Variants in TEX9 observed in about 807,000 individuals in gnomAD.
TEX9 encodes the protein testis-expressed protein 9.
In TEX9, 74 loss-of-function variants were observed where a neutral mutation model predicts 59.6. The observed-to-expected ratio is 1.24, with a 90% CI of 1.03 to 1.51. The LOEUF is 1.51. Ranked by LOEUF, TEX9 falls within the 40% of genes most tolerant of loss-of-function variation. TEX9 has a pLI of 0.00. For synonymous variants in TEX9, 186 were observed against 152.2 expected (o/e 1.22, Z -1.64); for missense variants, 522 against 447.8 (o/e 1.17, Z -1.49).
At chr15:56,427,609 T>C (rs546092222) in exon 11 of TEX9, 38 of 1,525,934 alleles carry the variant, frequency 2.5e-5, no homozygotes, top group Non-Finnish European at 2.8e-5. Context: ...GTGTAGGACA[T>C]AGCAAATGAA....
chr15:56,306,257 C>CAAAAAAAAAAAAAAAAAAAAAAAAAAAAA (rs55882329), intron 1 of TEX9, among the ~76,000 whole-genome samples: 1 of 79,450 alleles, frequency 1.3e-5, no homozygotes. Context: ...AGGTACATAG[C>CAAAAAAAAAAAAAAAAAAAAAAAAAAAAA]AAAAAAAAAA....
At chr15:56,320,215 T>C (rs774943108) in intron 1 of TEX9, among the ~76,000 whole-genome samples, 1 of 152,144 alleles carries the variant, frequency 6.6e-6, no homozygotes, top group African/African-American at 2.4e-5. Context: ...GTAATCAGAG[T>C]GTATTCTCTG....
chr15:56,439,691 C>G (rs950648421), intron 12 of TEX9, among the ~76,000 whole-genome samples: 6 of 150,530 alleles, frequency 4.0e-5, no homozygotes, highest in African/African-American at 1.5e-4. Flanking sequence ...TAAGTCTCAT[C>G]GTTTGTACCA....
chr15:56,373,590 A>ACATGCTTTGG, intron 3 of TEX9, 86 bp downstream of exon 3: 1 of 1,111,902 alleles, frequency 9.0e-7, no homozygotes, highest in Non-Finnish European at 1.2e-6. Flanking sequence ...TATACAAAAC[A>ACATGCTTTGG]CTAGCCAAAG....
At chr15:56,401,308 C>CAAAAAAAAAAAAAAAAA (rs1207055803) in intron 9 of TEX9, among the ~76,000 whole-genome samples, 18 of 46,778 alleles carry the variant, frequency 3.8e-4, no homozygotes, top group East Asian at 2.2e-3. Context: ...AAATTGAAAG[C>CAAAAAAAAAAAAAAAAA]AAAAAAAAAA....
chr15:56,347,318 G>A (rs2682028), intron 1 of TEX9, among the ~76,000 whole-genome samples: 6 of 152,074 alleles, frequency 3.9e-5, no homozygotes, highest in Non-Finnish European at 7.4e-5. Flanking sequence ...AGTCTACTCA[G>A]TTTCAAAACT....
chr15:56,251,160 T>C (rs1473613992), intron 1 of TEX9, among the ~76,000 whole-genome samples: 1 of 152,278 alleles, frequency 6.6e-6, no homozygotes, highest in African/African-American at 2.4e-5. Flanking sequence ...TGAATTTCTA[T>C]TTTTCTTCAT....
At chr15:56,365,051 G>T (rs1016468393), upstream of TEX9, among the ~76,000 whole-genome samples, 10 of 152,170 alleles carry the variant, frequency 6.6e-5, no homozygotes, top group Non-Finnish European at 1.5e-5. Context: ...CAAAACTTCT[G>T]AATTCCACTG....
intron 4 of TEX9, 90 bp downstream of exon 4, chr15:56,384,121 A>C: frequency 9.7e-7 from 1 of 1,030,298 alleles, no homozygotes; most frequent in Non-Finnish European, 1.4e-6. Context: ...ACATTGAAAA[A>C]TCTATAATTT....
intron 1 of TEX9, among the ~76,000 whole-genome samples, chr15:56,318,970 C>T (rs767018231): frequency 6.6e-5 from 10 of 152,014 alleles, no homozygotes; most frequent in Non-Finnish European, 1.5e-4. Flanking sequence ...ACATAACATG[C>T]CCACATCCAT....
chr15:56,285,364 A>G (rs1472933644), intron 1 of TEX9, among the ~76,000 whole-genome samples: 1 of 152,204 alleles, frequency 6.6e-6, no homozygotes, highest in Non-Finnish European at 1.5e-5. Context: ...TAATCTCTAC[A>G]TCTCAAGATC....
intron 9 of TEX9, among the ~76,000 whole-genome samples, chr15:56,407,152 T>C (rs2049120552): frequency 6.6e-6 from 1 of 152,164 alleles, no homozygotes; most frequent in South Asian, 2.1e-4. Flanking sequence ...GTTCATTTTG[T>C]GTGTGACAAG....
At chr15:56,417,083 T>C (rs1233978036) in intron 10 of TEX9, among the ~76,000 whole-genome samples, 3 of 151,650 alleles carry the variant, frequency 2.0e-5, no homozygotes, top group Non-Finnish European at 4.4e-5. Flanking sequence ...TGTGTTTATT[T>C]GAATCTTCAC....
intron 10 of TEX9, among the ~76,000 whole-genome samples, chr15:56,423,186 ATCT>A (rs1405813108): frequency 6.6e-6 from 1 of 152,132 alleles, no homozygotes; most frequent in East Asian, 1.9e-4. Flanking sequence ...TTGATTTGAA[ATCT>A]TCTTTCCTAA....
At chr15:56,416,227 C>G (rs1434021021) in intron 10 of TEX9, among the ~76,000 whole-genome samples, 1 of 151,718 alleles carries the variant, frequency 6.6e-6, no homozygotes, top group Non-Finnish European at 1.5e-5. Context: ...TTGCCTGATT[C>G]CTCTGGTTAG....
At chr15:56,428,148 A>G (rs1025758034) in intron 11 of TEX9, among the ~76,000 whole-genome samples, 7 of 152,084 alleles carry the variant, frequency 4.6e-5, no homozygotes, top group African/African-American at 1.7e-4. Context: ...GGTATTTAAA[A>G]TATTATAGAA....
At chr15:56,383,454 G>C (rs1346375844) in intron 3 of TEX9, among the ~76,000 whole-genome samples, 3 of 152,144 alleles carry the variant, frequency 2.0e-5, no homozygotes, top group African/African-American at 7.2e-5. Context: ...AATAGTGTAG[G>C]CTTCTATTCC....
the TEX9 span, among the ~76,000 whole-genome samples, chr15:56,451,646 T>C: frequency 5.3e-5 from 8 of 152,210 alleles, no homozygotes; most frequent in Non-Finnish European, 7.3e-5. Context: ...ATTTTGATTA[T>C]AGACAGTCTC....
intron 1 of TEX9, among the ~76,000 whole-genome samples, chr15:56,335,700 C>G (rs768294274): frequency 4.4e-4 from 67 of 152,066 alleles, no homozygotes; most frequent in Non-Finnish European, 6.5e-4. Flanking sequence ...GATGGACACC[C>G]CATTTACCCT....
Sources: gnomAD v4.1 joint callset for allele counts (sites outside exome capture counted in the v4.1 genomes callset) on GRCh38, gnomAD v4.1.1 for gene constraint, MANE v1.5 for transcripts, NCBI Gene and HGNC (gene_info 2026-07-23, HGNC 2026-07-21) for gene names.